The following HKDC1 variants were observed in gnomAD, a reference collection of about 807,000 sequenced individuals.
The protein encoded by HKDC1 is hexokinase HKDC1.
Under a neutral mutation model 96.6 loss-of-function variants are expected in HKDC1, and 66 were observed. The ratio of observed to expected loss-of-function variants is 0.68; its 90% confidence interval spans 0.56 to 0.84. The LOEUF (loss-of-function observed/expected upper bound fraction) is 0.84, where lower values mean the gene tolerates loss of function less well. HKDC1 is among the 40% of genes least tolerant of loss of function. HKDC1 has a pLI of 0.00. For synonymous variants in HKDC1, 466 were observed against 473.1 expected (o/e 0.98, Z 0.20); for missense variants, 1,211 against 1,208.1 (o/e 1.00, Z -0.04).
At chr10:69,250,746 T>C in intron 12 of HKDC1, 94 bp downstream of exon 12, 3 of 1,420,212 alleles carry the variant, frequency 2.1e-6, no homozygotes, top group Non-Finnish European at 2.9e-6. Flanking sequence ...CCTTCATTTT[T>C]ACAGGGATCT....
At chr10:69,233,284 G>A (rs1459320450) in intron 4 of HKDC1, 151 bp downstream of exon 4, 5 of 1,107,960 alleles carry the variant, frequency 4.5e-6, no homozygotes, top group Non-Finnish European at 6.4e-6. Context: ...GGCAGCGTGA[G>A]GCAGAGAACT....
At chr10:69,264,243 C>G (rs1019580982) in intron 16 of HKDC1, among the ~76,000 whole-genome samples, 342 of 115,156 alleles carry the variant, frequency 3.0e-3, no homozygotes, top group African/African-American at 8.2e-3. Context: ...GTGTGTGTGT[C>G]TTTTTTTAAT....
At chr10:69,228,212 C>T (rs1843193811) in intron 2 of HKDC1, among the ~76,000 whole-genome samples, 1 of 152,130 alleles carries the variant, frequency 6.6e-6, no homozygotes, top group Admixed American at 6.6e-5. Flanking sequence ...TGAGGCATGC[C>T]CCTTTCTGTT....
Position 69,250,514 on chromosome 10 carries a change from GCTCT to G in HKDC1, c.1717-8_1717-5del, listed in dbSNP as rs759114256. 1.9e-6 allele frequency: 3 copies of G among 1,593,690 alleles called. No homozygotes were observed. The highest frequency in any genetic ancestry group is 2.6e-6 in the Non-Finnish European group (3 of 1,166,388). On this transcript the variant is annotated splice_polypyrimidine_tract_variant and intron_variant, in intron 11 of 17. Transcript: ENST00000354624. ...TCGATGTCCGCCTGGTGTGAATGCC[GCTCT>G]CTCTCTCTCTGCAGCTCTTTGATCA...
chr10:69,249,663 T>C (rs915721436), intron 10 of HKDC1, among the ~76,000 whole-genome samples: 1 of 152,056 alleles, frequency 6.6e-6, no homozygotes, highest in African/African-American at 2.4e-5. Context: ...ACCCGGATAA[T>C]TAATTTTTTG....
intron 2 of HKDC1, among the ~76,000 whole-genome samples, chr10:69,227,918 G>A (rs1424313312): frequency 6.6e-6 from 1 of 152,212 alleles, no homozygotes; most frequent in South Asian, 2.1e-4. Context: ...GCCCAGCTCT[G>A]TCACTCTCAG....
In HKDC1 at chr10:69,248,477, T is replaced by G; in HGVS notation, c.1319T>G (p.Val440Gly). The change falls in exon 10 of 18, where the codon GTC becomes GGC. Residue 440 changes from valine to glycine, a missense_variant. By Grantham distance (109) the Val-to-Gly change is moderately radical. Transcript: ENST00000354624. ...VVRKLVPSCD[V>G]RFLLSESGST... Reference sequence around the variant, plus strand: ...AGGAAACTGGTCCCAAGCTGTGATGTCCGCTTCCTCCTGTCAGAGAGTGGC... The same window carrying G: ...AGGAAACTGGTCCCAAGCTGTGATGGCCGCTTCCTCCTGTCAGAGAGTGGC... 2 of 1,604,410 alleles carry G rather than the reference T, an allele frequency of 1.2e-6. No individual in the cohort carries two copies. Among genetic ancestry groups the G allele is most frequent in the Non-Finnish European group, 1.7e-6 (2 of 1,172,990 alleles).
At chr10:69,236,042 C>T (rs975790857) in intron 4 of HKDC1, among the ~76,000 whole-genome samples, 2 of 152,138 alleles carry the variant, frequency 1.3e-5, no homozygotes, top group East Asian at 1.9e-4. Context: ...CATAAGCTCC[C>T]CAACTACAGT....
rs1843486748 is a variant in HKDC1 at position 69,243,354 on chromosome 10, A to G, written c.864A>G (p.Pro288=). 1 of 1,584,580 alleles carries G rather than the reference A, an allele frequency of 6.3e-7. No homozygotes were observed. Among genetic ancestry groups the G allele is most frequent in the Non-Finnish European group, 8.6e-7 (1 of 1,164,884 alleles). Residue 288 remains proline, a synonymous_variant, in exon 7 of 18, where the codon CCA becomes CCG. Transcript: ENST00000354624. ...DRELDLGSLN[P]GKQLFEKMIS... Reference sequence around the variant, plus strand: ...AGCTGGACCTCGGCTCTCTCAACCCAGGAAAGCAACTGTGAGTTCCCTTCT... The same window carrying G: ...AGCTGGACCTCGGCTCTCTCAACCCGGGAAAGCAACTGTGAGTTCCCTTCT...
At chr10:69,249,364 A>G in intron 10 of HKDC1, among the ~76,000 whole-genome samples, 1 of 152,220 alleles carries the variant, frequency 6.6e-6, no homozygotes, top group East Asian at 1.9e-4. Context: ...GAACGTTACC[A>G]AAGAGGAAAT....
chr10:69,237,277 TTGTGTGTGTGTGTGTGTGTG>T (rs71035080), intron 4 of HKDC1, among the ~76,000 whole-genome samples: 4 of 145,598 alleles, frequency 2.7e-5, no homozygotes, highest in African/African-American at 7.5e-5. Flanking sequence ...AGAAATTTCT[TTGTGTGTGTGTGTGTGTGTG>T]TGTGTGTGTG....
At position 69,250,271 on chromosome 10, in the gene HKDC1, G is replaced by T. The variant is rs377533873; in HGVS notation, c.1571-19G>T. ...CAAGTCCCTGTCATGGAATGCAGCT[G>T]CTGCTTTCTCCATCACAGAGAAAGG... On this transcript the variant is annotated intron_variant, in intron 10 of 17. Coordinates refer to ENST00000354624, the MANE Select transcript of HKDC1 (RefSeq NM_025130.4). 43 of 1,606,788 alleles carry T rather than the reference G, an allele frequency of 2.7e-5. No individual in the cohort carries two copies. Among genetic ancestry groups the T allele is most frequent in the African/African-American group, 5.3e-5 (4 of 74,774 alleles).
chr10:69,224,770 T>C (rs78132252), intron 1 of HKDC1, among the ~76,000 whole-genome samples: 1,694 of 152,304 alleles, frequency 0.011, 16 homozygotes, highest in South Asian at 0.041. Context: ...GTCTTGAATG[T>C]TGGATTTGCT....
intron 8 of HKDC1, 141 bp from the exon 9 acceptor site, chr10:69,247,219 T>G: frequency 1.6e-6 from 1 of 623,530 alleles, no homozygotes; most frequent in Non-Finnish European, 2.9e-6. Flanking sequence ...CTACTATCAA[T>G]GTTGATATTG....
chr10:69,243,189 C>T lies in HKDC1; in HGVS notation c.699C>T (p.Gly233=). 6.2e-7 allele frequency: 1 copy of T among 1,614,184 alleles called. No homozygotes were observed. The highest frequency in any genetic ancestry group is 8.5e-7 in the Non-Finnish European group (1 of 1,180,004). Residue 233 remains glycine (G), a synonymous_variant, in exon 7 of 18, where the codon GGC becomes GGT. Coordinates refer to ENST00000354624, the MANE Select transcript of HKDC1 (RefSeq NM_025130.4). ...YCEVGVIIGT[G]TNACYMEDMS... is the part of the protein sequence containing the mutation. ...CTCTGATCCCTGGTTCAGGAACTGG[C>T]ACCAATGCGTGTTACATGGAGGACA...
At chr10:69,228,218 C>T (rs1052230572) in intron 2 of HKDC1, among the ~76,000 whole-genome samples, 1 of 152,196 alleles carries the variant, frequency 6.6e-6, no homozygotes, top group African/African-American at 2.4e-5. Flanking sequence ...ATGCCCCTTT[C>T]TGTTCTCAAA....
rs754978096 is a variant in HKDC1 at position 69,248,504 on chromosome 10, G to A, written c.1346G>A (p.Ser449Asn). The change falls in exon 10 of 18, where the codon AGC (serine) becomes AAC (asparagine). Residue 449 changes from serine to asparagine, a missense_variant. Transcript: ENST00000354624. ...CGCTTCCTCCTGTCAGAGAGTGGCA[G>A]CACCAAGGGGGCCGCCATGGTGACC... ...DVRFLLSESG[S>N]TKGAAMVTAV... The A allele has an allele frequency of 2.0e-5, 32 of 1,611,968 alleles. No homozygotes were observed. The highest frequency in any genetic ancestry group is 3.3e-4 in the Middle Eastern group (2 of 6,078).
rs375666863 is a variant in HKDC1 at position 69,248,557 on chromosome 10, C to T, written c.1399C>T (p.Arg467Trp). The stretch of plus-strand genomic sequence containing the variant: ...GGTGGCCTCCCGCGTGCAGGCCCAG[C>T]GGAAGCAGATCGACAGGGTGCTGGC... ...TAVASRVQAQ[R>W]KQIDRVLALF... Residue 467 changes from arginine (R) to tryptophan (W), a missense_variant, in exon 10 of 18, where the codon CGG becomes TGG. Coordinates refer to ENST00000354624, the MANE Select transcript of HKDC1 (RefSeq NM_025130.4). 5.3e-5 allele frequency: 86 copies of T among 1,613,968 alleles called. No homozygotes were observed. Among genetic ancestry groups the T allele is most frequent in the South Asian group, 9.9e-5 (9 of 91,082 alleles).
intron 12 of HKDC1, among the ~76,000 whole-genome samples, chr10:69,256,126 G>A (rs1335157151): frequency 6.6e-6 from 1 of 152,142 alleles, no homozygotes; most frequent in Non-Finnish European, 1.5e-5. Flanking sequence ...GTATATGTGT[G>A]TATGAGTGTA....
Sources: allele counts gnomAD v4.1 joint callset (sites outside exome capture counted in the v4.1 genomes callset), GRCh38; gene constraint gnomAD v4.1.1; transcripts MANE v1.5; gene names NCBI Gene and HGNC (gene_info 2026-07-23, HGNC 2026-07-21).